The following ZNF716 variants were observed in gnomAD, a reference collection of about 807,000 sequenced individuals.
The protein encoded by ZNF716 is zinc finger protein 716.
A neutral mutation model predicts 13.4 loss-of-function variants in ZNF716; 9 were observed. That is an observed-to-expected ratio of 0.67 (90% CI 0.41 to 1.18). The LOEUF (loss-of-function observed/expected upper bound fraction) is 1.18, where lower values mean the gene tolerates loss of function less well. ZNF716 is among the 50% of genes most tolerant of loss of function. The pLI, the probability that ZNF716 is intolerant of heterozygous loss-of-function variation, is 0.01. For missense variants in ZNF716, 581 were observed against 576.6 expected, an observed-to-expected ratio of 1.01 and a Z score of -0.08; for synonymous variants, 186 against 195.2, an observed-to-expected ratio of 0.95 and a Z score of 0.39.
intron 1 of ZNF716, among the ~76,000 whole-genome samples, chr7:57,459,667 T>G (rs1226945887): frequency 1.3e-5 from 2 of 152,160 alleles, no homozygotes; most frequent in Non-Finnish European, 2.9e-5. Flanking sequence ...GATACATTCA[T>G]GAGAGTTTAG....
At chr7:57,461,101 C>T (rs775430643) in intron 1 of ZNF716, among the ~76,000 whole-genome samples, 2 of 134,984 alleles carry the variant, frequency 1.5e-5, no homozygotes, top group Non-Finnish European at 3.2e-5. Flanking sequence ...GAAACCTTGT[C>T]TCTGCTAAAA....
chr7:57,465,213 T>A (rs1192219493), intron 3 of ZNF716, among the ~76,000 whole-genome samples: 1 of 152,248 alleles, frequency 6.6e-6, no homozygotes, highest in Non-Finnish European at 1.5e-5. Context: ...AAATGTTGAA[T>A]TAAATTGACA....
At chr7:57,451,002 A>C (rs530016028) in intron 1 of ZNF716, among the ~76,000 whole-genome samples, 75 of 150,336 alleles carry the variant, frequency 5.0e-4, no homozygotes, top group African/African-American at 1.8e-3. Context: ...ATTTTTCTTC[A>C]AGAAAGTAAT....
At chr7:57,463,466 GAC>G (rs782387982) in intron 3 of ZNF716, among the ~76,000 whole-genome samples, 61 of 152,258 alleles carry the variant, frequency 4.0e-4, no homozygotes, top group Non-Finnish European at 6.5e-4. Context: ...TGCTTTTGGG[GAC>G]ACACAAATAT....
intron 3 of ZNF716, among the ~76,000 whole-genome samples, chr7:57,467,473 C>T (rs782026497): frequency 8.6e-5 from 13 of 151,982 alleles, no homozygotes; most frequent in South Asian, 8.3e-4. Context: ...TTTTGTAGTA[C>T]GTGTTTGCTG....
chr7:57,465,532 T>C (rs1789790164), intron 3 of ZNF716, among the ~76,000 whole-genome samples: 2 of 152,076 alleles, frequency 1.3e-5, no homozygotes, highest in South Asian at 4.1e-4. Flanking sequence ...TTTAACTATT[T>C]GTAAAGACGG....
At position 57,472,240 on chromosome 7, in the gene ZNF716, T is replaced by C. The variant is rs1291209579; in HGVS notation, c.*2291T>C. ...GCGTTCAGAGTAATATTCTAAATTC[T>C]AGTGAGGAAAACCTTTGAACGTCAG... On this transcript the variant is annotated 3_prime_UTR_variant, in exon 4 of 4. Coordinates refer to ENST00000420713, the MANE Select transcript of ZNF716 (RefSeq NM_001159279.1). 2.0e-5 allele frequency: 3 copies of C among 152,240 alleles called. No individual in the cohort carries two copies. The highest frequency in any genetic ancestry group is 3.2e-3 in the Middle Eastern group (1 of 316). 9.4% of individuals were successfully genotyped at this position (152,240 alleles called of 1,614,324 possible).
chr7:57,454,377 C>A (rs1242250316), intron 1 of ZNF716, among the ~76,000 whole-genome samples: 4 of 152,158 alleles, frequency 2.6e-5, no homozygotes, highest in Admixed American at 6.5e-5. Context: ...GATTTATCAC[C>A]ACTTAATTTC....
chr7:57,453,178 A>T (rs1789527968), intron 1 of ZNF716, among the ~76,000 whole-genome samples: 1 of 152,098 alleles, frequency 6.6e-6, no homozygotes, highest in Non-Finnish European at 1.5e-5. Flanking sequence ...CCCTAAAGGC[A>T]AAAAAACCTG....
At position 57,472,383 on chromosome 7, in the gene ZNF716, A is replaced by T. The variant is rs1190756060; in HGVS notation, c.*2434A>T. On this transcript the variant is annotated 3_prime_UTR_variant, in exon 4 of 4. Coordinates refer to ENST00000420713, the MANE Select transcript of ZNF716 (RefSeq NM_001159279.1). Reference sequence around the variant, plus strand: ...CATTGACTCTATCGTGTCTCATCTTAAGGTTCTGCGTAAAAGATGGTGACA... The same window carrying T: ...CATTGACTCTATCGTGTCTCATCTTTAGGTTCTGCGTAAAAGATGGTGACA... 1 of 152,190 alleles carries T rather than the reference A, an allele frequency of 6.6e-6. No homozygotes were observed. The highest frequency in any genetic ancestry group is 1.5e-5 in the Non-Finnish European group (1 of 68,036). 9.4% of individuals were successfully genotyped at this position (152,190 alleles called of 1,614,324 possible). A position where few individuals can be genotyped will look rare whatever the true frequency, so the allele number is the denominator to read the frequency against.
At position 57,469,269 on chromosome 7, in the gene ZNF716, A is replaced by G; in HGVS notation, c.808A>G (p.Thr270Ala). Residue 270 changes from threonine to alanine, a missense_variant, in exon 4 of 4, where the codon ACA (threonine) becomes GCA (alanine). Transcript: ENST00000420713. ...KRIHTGEKPY[T>A]CEERGKVFSR... is the part of the protein sequence containing the mutation. The stretch of plus-strand genomic sequence containing the variant: ...AATTCATACTGGAGAGAAACCTTAC[A>G]CATGTGAAGAACGTGGCAAAGTCTT... The G allele has an allele frequency of 6.3e-7, 1 of 1,590,464 alleles. No individual in the cohort carries two copies. The highest frequency in any genetic ancestry group is 8.6e-7 in the Non-Finnish European group (1 of 1,166,608).
At position 57,462,582 on chromosome 7, in the gene ZNF716, C is replaced by T. The variant is rs368171818; in HGVS notation, c.162C>T (p.Ser54=). 1.2e-6 allele frequency: 2 copies of T among 1,604,726 alleles called. No homozygotes were observed. Among genetic ancestry groups the T allele is most frequent in the East Asian group, 2.2e-5 (1 of 44,820 alleles). The change falls in exon 2 of 4, where the codon TCC becomes TCT. Residue 54 remains serine, a synonymous_variant. Coordinates refer to ENST00000420713, the MANE Select transcript of ZNF716 (RefSeq NM_001159279.1). ...TAGAGAACTACAGAAACCTGGTCTC[C>T]CTGGGTGAGGAAAACTTCAATACAC... ...VMLENYRNLV[S]LGIAVSKPDL...
intron 1 of ZNF716, among the ~76,000 whole-genome samples, chr7:57,457,546 G>A (rs1345402045): frequency 6.6e-6 from 1 of 152,052 alleles, no homozygotes; most frequent in African/African-American, 2.4e-5. Context: ...GTTTCACAAT[G>A]GTGGCCAGGC....
At chr7:57,462,228 C>T (rs1277930889) in intron 1 of ZNF716, among the ~76,000 whole-genome samples, 3 of 151,388 alleles carry the variant, frequency 2.0e-5, no homozygotes, top group South Asian at 2.1e-4. Context: ...AGAAAAGTAT[C>T]ATATCTACAG....
rs782663194 is a variant in ZNF716, at chr7:57,463,129, C to G, written c.223C>G (p.Gln75Glu). The change falls in exon 3 of 4, where the codon CAG becomes GAG. Residue 75 changes from glutamine to glutamate, a missense_variant. Physicochemically the swap from Gln to Glu is conservative, Grantham distance 29. Coordinates refer to ENST00000420713, the MANE Select transcript of ZNF716 (RefSeq NM_001159279.1). ...ITCLEQNKEP[Q>E]NIKRNEMVAK... ...CTGTCTGGAGCAAAATAAAGAGCCC[C>G]AGAATATAAAGAGAAATGAGATGGT... is the stretch of plus-strand genomic sequence containing the variant. 3.1e-6 allele frequency: 5 copies of G among 1,609,712 alleles called. No homozygotes were observed. In the Admixed American group the frequency reaches 8.3e-5, roughly 27 times the overall value.
rs758573181 is a variant in ZNF716, at chr7:57,471,838, CAG to C, written c.*1892_*1893del. 6.6e-6 allele frequency: 1 copy of C among 152,152 alleles called. No individual in the cohort carries two copies. Among genetic ancestry groups the C allele is most frequent in the East Asian group, 1.9e-4 (1 of 5,182 alleles). The allele number at this position is 152,152 out of a possible 1,614,324, so 9.4% of individuals were successfully genotyped here. A position where few individuals can be genotyped will look rare whatever the true frequency, so the allele number is the denominator to read the frequency against. On this transcript the variant is annotated 3_prime_UTR_variant, in exon 4 of 4. Transcript: ENST00000420713. Reference sequence around the variant, plus strand: ...TGAAACTTCAGACATTACACTAAATCAGAGTGTTGAGTGTAAAAAAGATATAA... The same window carrying C: ...TGAAACTTCAGACATTACACTAAATCAGTGTTGAGTGTAAAAAAGATATAA...
rs148016524 is a variant in ZNF716 at position 57,466,494 on chromosome 7, C to T, written c.263-2230C>T. On this transcript the variant is annotated intron_variant, in intron 3 of 3. Transcript: ENST00000420713. The stretch of plus-strand genomic sequence containing the variant: ...CTCACTCTATTAATTCACATGAGAG[C>T]TGGTTGCTTAAAGGAACCTGGCTCC... Among the ~76,000 whole-genome samples the T allele has an allele frequency of 2.9e-3, 436 of 152,198 alleles. 2 individuals are homozygous for T. The East Asian group carries it at 0.032, about 11-fold the overall frequency.
chr7:57,459,743 G>A (rs1412512589), intron 1 of ZNF716, among the ~76,000 whole-genome samples: 2 of 152,200 alleles, frequency 1.3e-5, no homozygotes, highest in African/African-American at 4.8e-5. Flanking sequence ...GAAGAGGTCA[G>A]TGCGGTTCAT....
chr7:57,453,185 C>A (rs7805516), intron 1 of ZNF716, among the ~76,000 whole-genome samples: 5,449 of 152,180 alleles, frequency 0.036, 314 homozygotes, highest in East Asian at 0.24. Flanking sequence ...GGCAAAAAAA[C>A]CTGACCCCAA....
Sources: gnomAD v4.1 joint callset for allele counts (sites outside exome capture counted in the v4.1 genomes callset) on GRCh38, gnomAD v4.1.1 for gene constraint, MANE v1.5 for transcripts, NCBI Gene and HGNC (gene_info 2026-07-23, HGNC 2026-07-21) for gene names.